Variants in SOX6 observed in about 807,000 individuals in gnomAD.
SOX6 encodes the protein SRY-box transcription factor 6, also known as transcription factor SOX-6.
In SOX6, 11 loss-of-function variants were observed where a neutral mutation model predicts 97.8. The observed-to-expected ratio is 0.11, with a 90% CI of 0.07 to 0.19. The LOEUF (loss-of-function observed/expected upper bound fraction) is 0.19. Ranked by LOEUF, SOX6 falls within the 10% of genes least tolerant of loss-of-function variation. The probability of loss-of-function intolerance (pLI) is 1.00; values close to 1 mark genes in which losing one functional copy is unlikely to be tolerated. For missense variants in SOX6, 810 were observed against 1,039.5 expected, an observed-to-expected ratio of 0.78 and a Z score of 3.04; for synonymous variants, 360 against 371.4, an observed-to-expected ratio of 0.97 and a Z score of 0.35.
chr11:16,261,681 A>G (rs1853903404), intron 3 of SOX6, among the ~76,000 whole-genome samples: 1 of 152,070 alleles, frequency 6.6e-6, no homozygotes, highest in Admixed American at 6.6e-5. Flanking sequence ...TACAAATTCA[A>G]TGCAGTCTAG....
intron 2 of SOX6, among the ~76,000 whole-genome samples, chr11:16,729,327 G>C (rs951952949): frequency 2.6e-5 from 4 of 152,170 alleles, no homozygotes; most frequent in African/African-American, 9.7e-5. Context: ...GGCAGCCAGA[G>C]AGAAAGGCTG....
At chr11:16,150,393 C>A (rs1850429089) in intron 6 of SOX6, among the ~76,000 whole-genome samples, 1 of 152,144 alleles carries the variant, frequency 6.6e-6, no homozygotes, top group Non-Finnish European at 1.5e-5. Context: ...TTCACAGAAG[C>A]CACTTTGGGA....
At chr11:16,262,452 T>C (rs1322616899) in intron 3 of SOX6, among the ~76,000 whole-genome samples, 2 of 151,942 alleles carry the variant, frequency 1.3e-5, no homozygotes, top group African/African-American at 4.8e-5. Flanking sequence ...CAAACGAAAA[T>C]AGTGAAGCCA....
chr11:16,076,001 G>T (rs1314717575), intron 9 of SOX6, among the ~76,000 whole-genome samples: 1 of 151,750 alleles, frequency 6.6e-6, no homozygotes, highest in East Asian at 1.9e-4. Flanking sequence ...GATTATGGGG[G>T]CTACAATTCA....
intron 3 of SOX6, among the ~76,000 whole-genome samples, chr11:16,690,914 T>C (rs527418593): frequency 2.6e-5 from 4 of 152,214 alleles, no homozygotes; most frequent in Non-Finnish European, 5.9e-5. Flanking sequence ...GTGATTCAAA[T>C]AGAGGTCAAA....
intron 7 of SOX6, among the ~76,000 whole-genome samples, chr11:16,111,045 A>T (rs1414274251): frequency 6.6e-6 from 1 of 152,210 alleles, no homozygotes; most frequent in East Asian, 1.9e-4. Flanking sequence ...CACAAATGAA[A>T]TTAAGGTTGA....
intron 1 of SOX6, among the ~76,000 whole-genome samples, chr11:16,411,200 T>C (rs955003306): frequency 1.3e-5 from 2 of 152,186 alleles, no homozygotes; most frequent in Non-Finnish European, 2.9e-5. Context: ...AAACTCCACC[T>C]GTATAACTAA....
intron 9 of SOX6, among the ~76,000 whole-genome samples, chr11:16,087,366 T>A (rs1054110825): frequency 2.0e-5 from 3 of 152,180 alleles, no homozygotes; most frequent in Non-Finnish European, 4.4e-5. Flanking sequence ...TAGCTAAGAA[T>A]GATTTCATTC....
intron 4 of SOX6, among the ~76,000 whole-genome samples, chr11:16,214,738 T>C (rs1416389347): frequency 3.3e-5 from 5 of 149,652 alleles, no homozygotes; most frequent in African/African-American, 5.0e-5. Context: ...CCTCAAGCAC[T>C]GGAACCAATT....
chr11:15,995,754 G>A (rs995963544), intron 13 of SOX6, among the ~76,000 whole-genome samples: 7 of 152,108 alleles, frequency 4.6e-5, no homozygotes, highest in South Asian at 4.2e-4. Context: ...TATTACTTAC[G>A]GGGAAACAAA....
chr11:16,055,732 A>G lies in SOX6; in HGVS notation c.1251+20T>C, dbSNP rs1847797983. ...AACTTTTTTCTAAACTGTTTCCACA[A>G]TGCTGCAAGGCGAGTGTACCTTAAC... is the stretch of plus-strand genomic sequence containing the variant. On this transcript the variant is annotated intron_variant, in intron 10 of 15. Transcript: ENST00000683767. 6.2e-7 allele frequency: 1 copy of G among 1,613,494 alleles called. No homozygotes were observed. The highest frequency in any genetic ancestry group is 2.2e-5 in the East Asian group (1 of 44,856).
At chr11:16,405,429 C>T (rs1858663635) in intron 1 of SOX6, among the ~76,000 whole-genome samples, 1 of 151,870 alleles carries the variant, frequency 6.6e-6, no homozygotes, top group African/African-American at 2.4e-5. Context: ...AGTACAGGTC[C>T]CCCATCTAAC....
At chr11:16,046,820 C>T (rs1328323597) in intron 11 of SOX6, 119 bp from the exon 12 acceptor site, 4 of 1,054,824 alleles carry the variant, frequency 3.8e-6, no homozygotes, top group Non-Finnish European at 5.6e-6. Flanking sequence ...TGCACATTTG[C>T]TATTTTTTAA....
At chr11:16,096,876 G>A (rs1263001813) in intron 8 of SOX6, among the ~76,000 whole-genome samples, 1 of 151,688 alleles carries the variant, frequency 6.6e-6, no homozygotes, top group African/African-American at 2.4e-5. Context: ...AATGATCTCA[G>A]CTTTTTGTTT....
intron 4 of SOX6, 97 bp from the exon 5 acceptor site, chr11:16,187,052 A>T (rs2134106771): frequency 7.4e-7 from 1 of 1,343,686 alleles, no homozygotes; most frequent in East Asian, 2.3e-5. Context: ...ATCCTAAGAC[A>T]TTTAAAGATC....
intron 3 of SOX6, among the ~76,000 whole-genome samples, chr11:16,667,321 T>C (rs1275063154): frequency 6.6e-6 from 1 of 151,802 alleles, no homozygotes; most frequent in Non-Finnish European, 1.5e-5. Flanking sequence ...TACAAAAAGG[T>C]TATAGAACAC....
rs148218618 is a variant in SOX6 at position 16,393,613 on chromosome 11, T to C, written c.-4-52361A>G. Among the ~76,000 whole-genome samples the C allele has an allele frequency of 3.3e-5, 5 of 152,176 alleles. No individual in the cohort carries two copies. The East Asian group carries it at 9.7e-4, about 29-fold the overall frequency. On this transcript the variant is annotated intron_variant, in intron 1 of 15. Transcript: ENST00000396356. ...AGCTCATTTACTAAAAATTATGCTA[T>C]TTCATTCTTTTAAGCCCACACCTGT...
intron 3 of SOX6, among the ~76,000 whole-genome samples, chr11:16,260,850 G>T (rs1853866326): frequency 6.6e-6 from 1 of 151,978 alleles, no homozygotes; most frequent in South Asian, 2.1e-4. Flanking sequence ...TACCTCTCCA[G>T]CTATTCTCAC....
At chr11:16,051,927 T>C (rs1325483439) in intron 10 of SOX6, among the ~76,000 whole-genome samples, 4 of 148,554 alleles carry the variant, frequency 2.7e-5, no homozygotes, top group African/African-American at 1.0e-4. Flanking sequence ...TTGTTATGTC[T>C]TCAAGTTCAC....
Sources: allele counts gnomAD v4.1 joint callset (sites outside exome capture counted in the v4.1 genomes callset), GRCh38; gene constraint gnomAD v4.1.1; transcripts MANE v1.5; gene names NCBI Gene and HGNC (gene_info 2026-07-23, HGNC 2026-07-21).